Variants in BDP1 observed in about 807,000 individuals in gnomAD.
BDP1 encodes transcription factor TFIIIB component B'' homolog.
Under a neutral mutation model 266.6 loss-of-function variants are expected in BDP1, and 169 were observed. That is an observed-to-expected ratio of 0.63 (90% CI 0.56 to 0.72). The LOEUF (loss-of-function observed/expected upper bound fraction) is 0.72, where lower values mean the gene tolerates loss of function less well. Ranked by LOEUF, BDP1 falls within the 30% of genes least tolerant of loss-of-function variation. The pLI, the probability that BDP1 is intolerant of heterozygous loss-of-function variation, is 0.00. For missense variants in BDP1, 3,015 were observed against 3,053.8 expected (o/e 0.99, Z 0.30); for synonymous variants, 1,090 against 1,022.4 (o/e 1.07, Z -1.26).
intron 35 of BDP1, among the ~76,000 whole-genome samples, chr5:71,555,303 T>C (rs1743135431): frequency 6.6e-6 from 1 of 152,232 alleles, no homozygotes; most frequent in Non-Finnish European, 1.5e-5. Flanking sequence ...TAGGAAATTC[T>C]GCTTTTATCA....
At chr5:71,534,331 C>A (rs114445837) in intron 26 of BDP1, among the ~76,000 whole-genome samples, 1 of 152,120 alleles carries the variant, frequency 6.6e-6, no homozygotes, top group Non-Finnish European at 1.5e-5. Flanking sequence ...ACCATTTATT[C>A]GAAAAGACTA....
Position 71,565,079 on chromosome 5 carries a change from A to AT in BDP1, c.*196dup, listed in dbSNP as rs1204054828. ...TCTGAGGTTCCTTTCATTCTGACTG[A>AT]TTCAGCATTTTGCAAATAGCAAGCA... On this transcript the variant is annotated 3_prime_UTR_variant, in exon 39 of 39. Transcript: ENST00000358731. The AT allele has an allele frequency of 7.3e-6, 4 of 544,894 alleles. No homozygotes were observed. The highest frequency in any genetic ancestry group is 1.3e-5 in the Non-Finnish European group (4 of 317,870). The allele number at this position is 544,894 out of a possible 1,614,324, so 33.8% of individuals were successfully genotyped here.
At position 71,524,611 on chromosome 5, in the gene BDP1, A is replaced by AT. The variant is rs938356070; in HGVS notation, c.5772+294dup. 4.2e-4 allele frequency among the ~76,000 whole-genome samples: 61 copies of AT among 145,858 alleles called. 1 individual carries two copies. The highest frequency in any genetic ancestry group is 6.6e-4 in the South Asian group (3 of 4,574). On this transcript the variant is annotated intron_variant, in intron 25 of 38. Coordinates refer to ENST00000358731, the MANE Select transcript of BDP1 (RefSeq NM_018429.3). ...TTTCTGATAATCTTTCTTTTTTTTT[A>AT]TTTTTTATTTTTTATTTATTTATTT...
chr5:71,523,608 C>T (rs1765621798), intron 24 of BDP1, among the ~76,000 whole-genome samples: 2 of 152,140 alleles, frequency 1.3e-5, no homozygotes, highest in South Asian at 4.1e-4. Flanking sequence ...GCTACTGCGC[C>T]CAGCCGGTTC....
chr5:71,546,738 A>G (rs1341053890), intron 32 of BDP1, among the ~76,000 whole-genome samples: 1 of 151,990 alleles, frequency 6.6e-6, no homozygotes, highest in Non-Finnish European at 1.5e-5. Context: ...CAGAGAAAGG[A>G]CAGTACTGTT....
Position 71,510,313 on chromosome 5 carries a change from G to C in BDP1, c.3221G>C (p.Arg1074Thr), listed in dbSNP as rs748128153. Residue 1074 changes from arginine to threonine, a missense_variant, in exon 17 of 39, where the codon AGG becomes ACG. Physicochemically the swap from Arg to Thr is moderately conservative, Grantham distance 71. Coordinates refer to ENST00000358731, the MANE Select transcript of BDP1 (RefSeq NM_018429.3). ...GCAACTGGAAGAGACAGTTTCCCAAGGGGGAAGACACCAGAGGTGATTGAT... is the reference window on the plus strand; with the variant it reads ...GCAACTGGAAGAGACAGTTTCCCAACGGGGAAGACACCAGAGGTGATTGAT... ...LKATGRDSFP[R>T]GKTPEVIDAI... 2 of 1,613,768 alleles carry C rather than the reference G, an allele frequency of 1.2e-6. No individual in the cohort carries two copies. The highest frequency in any genetic ancestry group is 2.7e-5 in the African/African-American group (2 of 74,948).
At chr5:71,502,137 A>T (rs1324050730) in intron 14 of BDP1, among the ~76,000 whole-genome samples, 1 of 151,050 alleles carries the variant, frequency 6.6e-6, no homozygotes, top group African/African-American at 2.4e-5. Context: ...AATTCTATTT[A>T]AAAGTGCTTT....
chr5:71,478,786 T>C (rs1473255273), intron 7 of BDP1, among the ~76,000 whole-genome samples: 1 of 152,172 alleles, frequency 6.6e-6, no homozygotes, highest in African/African-American at 2.4e-5. Context: ...TAATAGTTTC[T>C]CTGTTTAATC....
intron 32 of BDP1, among the ~76,000 whole-genome samples, chr5:71,545,674 T>C (rs1742243404): frequency 6.6e-6 from 1 of 152,152 alleles, no homozygotes. Context: ...TTTTTATAAC[T>C]ATGCAGTCAT....
At chr5:71,471,930 G>A (rs183444291) in intron 7 of BDP1, among the ~76,000 whole-genome samples, 1 of 152,314 alleles carries the variant, frequency 6.6e-6, no homozygotes, top group Admixed American at 6.5e-5. Flanking sequence ...TGTTATTTCT[G>A]CAAGAGATGA....
In BDP1 at chr5:71,502,763, A is replaced by G. The variant is rs1222012666; in HGVS notation, c.2213A>G (p.Asn738Ser). ...GAAATTGGGGCCAATGTAGAGAAGA[A>G]TGAAAATGAATCCTGTGCTGATAGA... Reference protein sequence around the residue: ...QEEIGANVEKNENESCADRDT... With the variant: ...QEEIGANVEKSENESCADRDT... The change falls in exon 15 of 39, where the codon AAT becomes AGT. Residue 738 changes from asparagine (N) to serine (S), a missense_variant. Coordinates refer to ENST00000358731, the MANE Select transcript of BDP1 (RefSeq NM_018429.3). 1 of 1,613,672 alleles carries G rather than the reference A, an allele frequency of 6.2e-7. No homozygotes were observed. The highest frequency in any genetic ancestry group is 2.2e-5 in the East Asian group (1 of 44,858).
In BDP1 at chr5:71,564,770, C is replaced by G. The variant is rs1743922871; in HGVS notation, c.7760C>G (p.Pro2587Arg). ...SSATQVSCDQ[P>R]LLKEGYKSAQ... ...CCTTTTTAGGTTTCTTGTGATCAGC[C>G]CTTACTGAAAGAAGGATATAAAAGT... The change falls in exon 39 of 39, where the codon CCC becomes CGC. Residue 2587 changes from proline to arginine, a missense_variant. This residue lies in a region of BDP1 where 629 missense variants were observed against 632.5 expected (regional missense o/e 0.99). Transcript: ENST00000358731. The G allele has an allele frequency of 6.2e-7, 1 of 1,605,930 alleles. No individual in the cohort carries two copies.
chr5:71,512,358 T>C lies in BDP1; in HGVS notation c.4177T>C (p.Ser1393Pro), dbSNP rs375952311. 6 of 1,596,624 alleles carry C rather than the reference T, an allele frequency of 3.8e-6. No homozygotes were observed. In the African/African-American group the frequency reaches 8.1e-5, roughly 22 times the overall value. Reference protein sequence around the residue: ...HFKISSQTHESDKTEVQGIQS... With the variant: ...HFKISSQTHEPDKTEVQGIQS... ...CAAGATTTCTTCACAGACTCATGAA[T>C]CTGATAAAACAGAAGTCCAGGGGAT... Residue 1393 changes from serine to proline, a missense_variant, in exon 18 of 39, where the codon TCT (serine) becomes CCT (proline). This residue lies in a region of BDP1 where 2,383 missense variants were observed against 2,404.9 expected (regional missense o/e 0.99). Coordinates refer to ENST00000358731, the MANE Select transcript of BDP1 (RefSeq NM_018429.3).
rs1161138829 is a variant in BDP1 at position 71,566,667 on chromosome 5, G to A, written c.*1782G>A. 6.6e-6 allele frequency: 1 copy of A among 152,170 alleles called. No homozygotes were observed. The highest frequency in any genetic ancestry group is 6.5e-5 in the Admixed American group (1 of 15,274). 9.4% of individuals were successfully genotyped at this position (152,170 alleles called of 1,614,324 possible). On this transcript the variant is annotated 3_prime_UTR_variant, in exon 39 of 39. Transcript: ENST00000358731. Reference sequence around the variant, plus strand: ...AAGCCATAGACAGTACTTGAATGAAGGACTGTGGCTGGATTGGCCTTTTAG... The same window carrying A: ...AAGCCATAGACAGTACTTGAATGAAAGACTGTGGCTGGATTGGCCTTTTAG...
intron 6 of BDP1, 62 bp from the exon 7 acceptor site, chr5:71,470,333 T>A (rs1762162248): frequency 8.1e-7 from 1 of 1,233,626 alleles, no homozygotes; most frequent in Non-Finnish European, 1.2e-6. Flanking sequence ...CTGTAAGATT[T>A]CTTTTCTCTG....
intron 34 of BDP1, among the ~76,000 whole-genome samples, chr5:71,550,274 T>C (rs1324031338): frequency 6.6e-6 from 1 of 151,990 alleles, no homozygotes; most frequent in African/African-American, 2.4e-5. Flanking sequence ...TAATCCCAGC[T>C]ACTCAGGAGA....
chr5:71,516,346 T>TAG, intron 21 of BDP1, 75 bp downstream of exon 21: 1 of 1,116,382 alleles, frequency 9.0e-7, no homozygotes. Context: ...AGACATAGCT[T>TAG]AGAAATACAG....
intron 7 of BDP1, among the ~76,000 whole-genome samples, chr5:71,472,982 G>T (rs1762355114): frequency 7.3e-6 from 1 of 137,752 alleles, no homozygotes; most frequent in African/African-American, 2.7e-5. Context: ...TCCTGGGCTT[G>T]AGTGATCCTC....
At position 71,562,441 on chromosome 5, in the gene BDP1, A is replaced by T. The variant is rs17276250; in HGVS notation, c.7664A>T (p.Asn2555Ile). Residue 2555 changes from asparagine (N) to isoleucine (I), a missense_variant, in exon 38 of 39, where the codon AAT becomes ATT. Coordinates refer to ENST00000358731, the MANE Select transcript of BDP1 (RefSeq NM_018429.3). ...CCATTCAATGAAAGCCAGGAAAAAA[A>T]TCGAGAGTCCTCTGATCTGCTTCCA... ...SNPFNESQEK[N>I]RESSDLLPSP... The T allele has an allele frequency of 6.8e-6, 11 of 1,613,904 alleles. No individual in the cohort carries two copies. The African/African-American group carries it at 1.5e-4, about 22-fold the overall frequency.
Sources: allele counts gnomAD v4.1 joint callset (sites outside exome capture counted in the v4.1 genomes callset), GRCh38; gene constraint gnomAD v4.1.1; regional missense constraint gnomAD v4.1.1; transcripts MANE v1.5; gene names NCBI Gene and HGNC (gene_info 2026-07-23, HGNC 2026-07-21).